Variants in DLGAP1 observed in about 807,000 individuals in gnomAD.
DLGAP1 encodes the protein disks large-associated protein 1.
In DLGAP1, 11 loss-of-function variants were observed where a neutral mutation model predicts 90.8. The ratio of observed to expected loss-of-function variants is 0.12; its 90% CI spans 0.08 to 0.20. The LOEUF (loss-of-function observed/expected upper bound fraction) is 0.20. Ranked by LOEUF, DLGAP1 falls within the 10% of genes least tolerant of loss-of-function variation. DLGAP1 has a pLI of 1.00. For missense variants in DLGAP1, 1,050 were observed against 1,333.8 expected (o/e 0.79, Z 3.31); for synonymous variants, 558 against 540.7 (o/e 1.03, Z -0.44).
intron 1 of DLGAP1, among the ~76,000 whole-genome samples, chr18:4,162,918 TTAA>T (rs1444154064): frequency 6.7e-6 from 1 of 149,492 alleles, no homozygotes; most frequent in Admixed American, 6.6e-5. Flanking sequence ...GAGTTTTTTT[TTAA>T]AAAAAAACAT....
At chr18:4,171,242 T>C (rs903037976) in intron 1 of DLGAP1, among the ~76,000 whole-genome samples, 16 of 152,106 alleles carry the variant, frequency 1.1e-4, no homozygotes, top group Admixed American at 7.9e-4. Context: ...TTGTTAAAGA[T>C]AGAAAGTATT....
chr18:3,636,978 A>C (rs1211406895), intron 7 of DLGAP1, among the ~76,000 whole-genome samples: 9 of 151,612 alleles, frequency 5.9e-5, no homozygotes, highest in Non-Finnish European at 1.2e-4. Flanking sequence ...CCGCCTCGGC[A>C]TCCCAAAATG....
intron 5 of DLGAP1, among the ~76,000 whole-genome samples, chr18:3,756,943 A>C (rs182879070): frequency 7.2e-5 from 11 of 152,366 alleles, no homozygotes; most frequent in African/African-American, 2.6e-4. Flanking sequence ...TTTTTAAATA[A>C]AAATCTTTCC....
chr18:3,839,173 G>T (rs1174129775), intron 4 of DLGAP1, among the ~76,000 whole-genome samples: 1 of 152,132 alleles, frequency 6.6e-6, no homozygotes, highest in Non-Finnish European at 1.5e-5. Flanking sequence ...TTTATCTTAT[G>T]ATAACTATGC....
chr18:4,401,180 G>T (rs147062270), intron 1 of DLGAP1, among the ~76,000 whole-genome samples: 1 of 152,156 alleles, frequency 6.6e-6, no homozygotes, highest in Admixed American at 6.5e-5. Context: ...TCAGTTAGAG[G>T]TGGAGCCAAA....
At chr18:3,961,075 G>A (rs1243137908) in intron 3 of DLGAP1, among the ~76,000 whole-genome samples, 4 of 152,140 alleles carry the variant, frequency 2.6e-5, no homozygotes, top group African/African-American at 7.2e-5. Flanking sequence ...CCAGAACTAC[G>A]AGTCGCCCTG....
intron 5 of DLGAP1, among the ~76,000 whole-genome samples, chr18:3,751,845 G>C (rs1233309084): frequency 6.7e-6 from 1 of 148,214 alleles, no homozygotes; most frequent in Non-Finnish European, 1.5e-5. Flanking sequence ...TTACAGGTGT[G>C]AGCCACTGTG....
intron 4 of DLGAP1, among the ~76,000 whole-genome samples, chr18:3,870,206 C>T (rs762331487): frequency 2.0e-4 from 31 of 152,290 alleles, no homozygotes; most frequent in Admixed American, 9.2e-4. Flanking sequence ...CAGAGATCCT[C>T]ATTTTATAGA....
chr18:3,864,241 G>C (rs565655821), intron 4 of DLGAP1, among the ~76,000 whole-genome samples: 1 of 152,354 alleles, frequency 6.6e-6, no homozygotes, highest in East Asian at 1.9e-4. Flanking sequence ...AAGATGGGTT[G>C]AAGCGAAGAA....
intron 4 of DLGAP1, among the ~76,000 whole-genome samples, chr18:3,850,558 T>C (rs947983325): frequency 2.0e-5 from 3 of 152,218 alleles, no homozygotes; most frequent in Non-Finnish European, 2.9e-5. Flanking sequence ...AAAGAACTTT[T>C]GGTAGGGCCC....
chr18:4,398,808 T>A (rs1360756367), intron 1 of DLGAP1, among the ~76,000 whole-genome samples: 1 of 152,146 alleles, frequency 6.6e-6, no homozygotes, highest in Non-Finnish European at 1.5e-5. Flanking sequence ...CAAGCCAGGC[T>A]ATTCCAGATC....
At chr18:4,370,282 G>A (rs2081887974) in intron 1 of DLGAP1, among the ~76,000 whole-genome samples, 1 of 152,160 alleles carries the variant, frequency 6.6e-6, no homozygotes. Context: ...AGAAAAGCAG[G>A]AAAGAGATGA....
intron 3 of DLGAP1, among the ~76,000 whole-genome samples, chr18:3,918,006 T>A (rs1243441911): frequency 6.6e-6 from 1 of 152,196 alleles, no homozygotes; most frequent in Non-Finnish European, 1.5e-5. Context: ...TCCTTCATAA[T>A]CATCAGCAGT....
At chr18:3,605,985 G>T (rs757900242) in intron 7 of DLGAP1, among the ~76,000 whole-genome samples, 8 of 152,236 alleles carry the variant, frequency 5.3e-5, no homozygotes, top group South Asian at 2.1e-4. Context: ...CAACCATAAT[G>T]GATTCCTGCC....
chr18:4,146,492 T>C (rs1173414787), intron 2 of DLGAP1, among the ~76,000 whole-genome samples: 3 of 152,144 alleles, frequency 2.0e-5, no homozygotes, highest in Non-Finnish European at 4.4e-5. Context: ...TACCTTGAAA[T>C]TGCAAGATAA....
At chr18:3,793,386 C>T (rs866541064) in intron 5 of DLGAP1, among the ~76,000 whole-genome samples, 3 of 152,236 alleles carry the variant, frequency 2.0e-5, no homozygotes, top group Non-Finnish European at 4.4e-5. Flanking sequence ...CCAATTTCTT[C>T]TCGATAGAGC....
chr18:4,343,534 C>T (rs981794846), intron 1 of DLGAP1, among the ~76,000 whole-genome samples: 1 of 151,894 alleles, frequency 6.6e-6, no homozygotes, highest in Admixed American at 6.6e-5. Flanking sequence ...TATTAAGAAT[C>T]ATCAAAGTAT....
intron 1 of DLGAP1, among the ~76,000 whole-genome samples, chr18:4,451,225 C>T (rs1190412471): frequency 6.6e-6 from 1 of 152,162 alleles, no homozygotes; most frequent in Admixed American, 6.5e-5. Flanking sequence ...AACCTCTGTA[C>T]AATCAGACTA....
At chr18:3,662,784 G>A (rs11081061) in intron 7 of DLGAP1, among the ~76,000 whole-genome samples, 46,338 of 152,064 alleles carry the variant, frequency 0.3, 8,310 homozygotes, top group African/African-American at 0.51. Context: ...AATGCCTGGC[G>A]TATAGCTGTT....
Sources: gnomAD v4.1 joint callset for allele counts (sites outside exome capture counted in the v4.1 genomes callset) on GRCh38, gnomAD v4.1.1 for gene constraint, MANE v1.5 for transcripts, NCBI Gene and HGNC (gene_info 2026-07-23, HGNC 2026-07-21) for gene names.